The following HPSE2 variants were observed in gnomAD, a reference collection of about 807,000 sequenced individuals.
HPSE2 encodes the protein inactive heparanase-2.
In HPSE2, 38 loss-of-function variants were observed where a neutral mutation model predicts 60.5. That is an observed-to-expected ratio of 0.63 (90% CI 0.48 to 0.82). The LOEUF is 0.82. Ranked by LOEUF, HPSE2 falls within the 40% of genes least tolerant of loss-of-function variation. The pLI is 0.00. For synonymous variants in HPSE2, 295 were observed against 293.2 expected (o/e 1.01, Z -0.06); for missense variants, 713 against 740.4 (o/e 0.96, Z 0.43).
intron 6 of HPSE2, among the ~76,000 whole-genome samples, chr10:98,684,265 A>G (rs531738046): frequency 2.0e-5 from 3 of 152,294 alleles, no homozygotes. Context: ...AGATGGGAAC[A>G]GAAGGAGGGA....
intron 8 of HPSE2, among the ~76,000 whole-genome samples, chr10:98,616,411 C>T (rs985967595): frequency 2.0e-5 from 3 of 152,228 alleles, no homozygotes; most frequent in East Asian, 1.9e-4. Context: ...ATTAGATTCT[C>T]GGAACTTTGA....
At chr10:98,953,147 C>T (rs951526061) in intron 3 of HPSE2, among the ~76,000 whole-genome samples, 49 of 152,128 alleles carry the variant, frequency 3.2e-4, no homozygotes, top group African/African-American at 1.2e-3. Flanking sequence ...ATGTCTTAAA[C>T]AAGAGAGCTG....
intron 9 of HPSE2, among the ~76,000 whole-genome samples, chr10:98,504,461 A>G (rs1229805580): frequency 6.6e-6 from 1 of 152,140 alleles, no homozygotes; most frequent in Non-Finnish European, 1.5e-5. Flanking sequence ...ATAGTTCTGA[A>G]GCACATGAGA....
At chr10:98,657,658 T>C (rs1260109822) in intron 6 of HPSE2, among the ~76,000 whole-genome samples, 1 of 152,168 alleles carries the variant, frequency 6.6e-6, no homozygotes, top group Admixed American at 6.5e-5. Flanking sequence ...TTTTATATTA[T>C]AAGATATTGG....
At chr10:99,165,419 C>T (rs1260037959) in intron 2 of HPSE2, among the ~76,000 whole-genome samples, 3 of 152,076 alleles carry the variant, frequency 2.0e-5, no homozygotes, top group African/African-American at 7.2e-5. Context: ...TGTAGTCTGC[C>T]TTACGTTCCC....
At chr10:99,144,572 C>T (rs1223129879) in intron 2 of HPSE2, among the ~76,000 whole-genome samples, 173 bp from the exon 3 acceptor site, 1 of 152,152 alleles carries the variant, frequency 6.6e-6, no homozygotes, top group Non-Finnish European at 1.5e-5. Context: ...ATGACACATC[C>T]TGAAAGTTCC....
chr10:98,802,147 C>A (rs543850600), intron 3 of HPSE2, among the ~76,000 whole-genome samples: 31 of 152,130 alleles, frequency 2.0e-4, no homozygotes, highest in African/African-American at 7.2e-4. Context: ...AGGAATAAAA[C>A]TAGATTCCTA....
the HPSE2 span, among the ~76,000 whole-genome samples, chr10:99,241,631 G>A: frequency 1.3e-5 from 2 of 152,126 alleles, no homozygotes; most frequent in Non-Finnish European, 1.5e-5. Flanking sequence ...GGTGGCACAT[G>A]CCTGTAGTCC....
intron 9 of HPSE2, among the ~76,000 whole-genome samples, chr10:98,581,847 T>C (rs988925743): frequency 6.6e-6 from 1 of 152,268 alleles, no homozygotes; most frequent in African/African-American, 2.4e-5. Flanking sequence ...TGTTGAGTTT[T>C]AATAATATGT....
At chr10:98,524,498 A>C (rs1318319615) in intron 9 of HPSE2, among the ~76,000 whole-genome samples, 1 of 152,168 alleles carries the variant, frequency 6.6e-6, no homozygotes, top group African/African-American at 2.4e-5. Context: ...TAACACAAAC[A>C]ACCAAAGAGC....
At chr10:98,665,025 G>T (rs1035156914) in intron 6 of HPSE2, among the ~76,000 whole-genome samples, 1 of 152,176 alleles carries the variant, frequency 6.6e-6, no homozygotes, top group African/African-American at 2.4e-5. Context: ...CCAGGAGAAA[G>T]TTGAAACCCA....
intron 2 of HPSE2, among the ~76,000 whole-genome samples, chr10:99,213,481 A>G (rs1404952380): frequency 6.6e-6 from 1 of 152,112 alleles, no homozygotes; most frequent in Non-Finnish European, 1.5e-5. Context: ...CATTTGGCAA[A>G]AAAAACAAAA....
chr10:98,996,053 C>T (rs1302009184), intron 3 of HPSE2, among the ~76,000 whole-genome samples: 1 of 151,824 alleles, frequency 6.6e-6, no homozygotes, highest in African/African-American at 2.4e-5. Flanking sequence ...AAATTAAATG[C>T]AATGTCATAT....
At chr10:98,527,358 C>T (rs1942999595) in intron 9 of HPSE2, among the ~76,000 whole-genome samples, 1 of 152,208 alleles carries the variant, frequency 6.6e-6, no homozygotes, top group Non-Finnish European at 1.5e-5. Context: ...GATCCGCACA[C>T]TCTGCATGAT....
At chr10:98,654,650 C>A (rs1947009912) in intron 6 of HPSE2, among the ~76,000 whole-genome samples, 1 of 152,156 alleles carries the variant, frequency 6.6e-6, no homozygotes, top group Admixed American at 6.5e-5. Context: ...CATTAGAGCA[C>A]TTAATGTATT....
At chr10:98,498,016 G>A (rs533433307) in intron 9 of HPSE2, among the ~76,000 whole-genome samples, 149 of 152,238 alleles carry the variant, frequency 9.8e-4, no homozygotes, top group African/African-American at 3.3e-3. Context: ...CTTTTGATCC[G>A]AAAGACAAAC....
At chr10:98,538,277 C>G (rs1436751639) in intron 9 of HPSE2, among the ~76,000 whole-genome samples, 1 of 152,170 alleles carries the variant, frequency 6.6e-6, no homozygotes, top group South Asian at 2.1e-4. Context: ...GGGGAGAACA[C>G]CCGCTAAGCC....
chr10:98,736,193 G>C (rs1448437740), intron 4 of HPSE2, among the ~76,000 whole-genome samples: 1 of 138,040 alleles, frequency 7.2e-6, no homozygotes, highest in African/African-American at 2.6e-5. Context: ...GATTTTATAA[G>C]GGGTTTCCCC....
chr10:98,714,949 T>C (rs933648526), intron 5 of HPSE2, among the ~76,000 whole-genome samples: 4 of 151,942 alleles, frequency 2.6e-5, no homozygotes, highest in African/African-American at 9.7e-5. Flanking sequence ...GTTAAGTATC[T>C]ATTCACGTGC....
Sources: gnomAD v4.1 joint callset for allele counts (sites outside exome capture counted in the v4.1 genomes callset) on GRCh38, gnomAD v4.1.1 for gene constraint, MANE v1.5 for transcripts, NCBI Gene and HGNC (gene_info 2026-07-23, HGNC 2026-07-21) for gene names.